The following ROR1 variants were observed in gnomAD, a reference collection of about 807,000 sequenced individuals.
The protein encoded by ROR1 is ROR family WNT receptor 1.
A neutral mutation model predicts 78.8 loss-of-function variants in ROR1; 19 were observed. The observed-to-expected ratio is 0.24, with a 90% CI of 0.17 to 0.35. The LOEUF is 0.35. Among genes scored for constraint, ROR1 ranks in the 10% least tolerant of loss-of-function variants. The probability of loss-of-function intolerance (pLI) is 1.00; values close to 1 mark genes in which losing one functional copy is unlikely to be tolerated. For synonymous variants in ROR1, 386 were observed against 433.6 expected, an observed-to-expected ratio of 0.89 and a Z score of 1.36; for missense variants, 917 against 1,177.8, an observed-to-expected ratio of 0.78 and a Z score of 3.24.
chr1:63,801,201 G>A (rs975364847), intron 1 of ROR1, among the ~76,000 whole-genome samples: 1 of 152,118 alleles, frequency 6.6e-6, no homozygotes, highest in Admixed American at 6.6e-5. Flanking sequence ...GAATTAAAAA[G>A]CATTTGCATG....
At chr1:64,082,150 G>C (rs1335351304) in intron 4 of ROR1, among the ~76,000 whole-genome samples, 2 of 151,998 alleles carry the variant, frequency 1.3e-5, no homozygotes, top group African/African-American at 2.4e-5. Context: ...GAAGAGATGA[G>C]AGCCAAGGCT....
chr1:64,092,200 C>A (rs1390951317), intron 4 of ROR1, among the ~76,000 whole-genome samples: 1 of 146,030 alleles, frequency 6.8e-6, no homozygotes, highest in Non-Finnish European at 1.5e-5. Flanking sequence ...TTTAGACAAG[C>A]AAAGAAAGAA....
intron 1 of ROR1, among the ~76,000 whole-genome samples, chr1:63,882,007 T>C (rs1645326172): frequency 6.6e-6 from 1 of 152,126 alleles, no homozygotes; most frequent in Non-Finnish European, 1.5e-5. Context: ...ATATGTTAGG[T>C]ACTATAGGAG....
intron 2 of ROR1, among the ~76,000 whole-genome samples, chr1:64,035,464 A>G (rs2100574793): frequency 6.6e-6 from 1 of 152,262 alleles, no homozygotes; most frequent in African/African-American, 2.4e-5. Context: ...ACGACCCATC[A>G]TGAGGGGCCT....
At chr1:64,058,564 C>T (rs772434328) in intron 4 of ROR1, among the ~76,000 whole-genome samples, 2 of 147,856 alleles carry the variant, frequency 1.4e-5, no homozygotes, top group African/African-American at 5.0e-5. Context: ...TTCTCAAGTG[C>T]TCTTTGTGTG....
At chr1:64,065,288 A>G (rs999086576) in intron 4 of ROR1, among the ~76,000 whole-genome samples, 1 of 152,254 alleles carries the variant, frequency 6.6e-6, no homozygotes, top group South Asian at 2.1e-4. Flanking sequence ...GGTGGACTCC[A>G]GAGCTCAGAC....
chr1:64,148,419 G>A (rs1649535003), intron 7 of ROR1, among the ~76,000 whole-genome samples: 2 of 152,150 alleles, frequency 1.3e-5, no homozygotes, highest in South Asian at 2.1e-4. Flanking sequence ...TTTGAAATGA[G>A]CCCTTTTTCT....
chr1:63,999,534 T>C lies in ROR1; in HGVS notation c.92-9771T>C, dbSNP rs554777304. Among the ~76,000 whole-genome samples, 42 of 151,904 alleles carry C rather than the reference T, an allele frequency of 2.8e-4. 2 individuals carry two copies. The highest frequency in any genetic ancestry group is 1.0e-3 in the African/African-American group (41 of 41,176). On this transcript the variant is annotated intron_variant, in intron 1 of 8. Coordinates refer to ENST00000371079, the MANE Select transcript of ROR1 (RefSeq NM_005012.4). ...GGCCCCTATTGCAGCATTTATCATA[T>C]TATACTTTAATTTTTTGTTTGCTTC...
intron 1 of ROR1, among the ~76,000 whole-genome samples, chr1:63,956,259 G>T: frequency 6.6e-6 from 1 of 152,282 alleles, no homozygotes; most frequent in Middle Eastern, 3.4e-3. Context: ...TATCGCTCTA[G>T]CTGGGTGGCT....
intron 1 of ROR1, among the ~76,000 whole-genome samples, chr1:63,819,951 G>C (rs576102349): frequency 3.9e-5 from 6 of 152,160 alleles, no homozygotes; most frequent in Non-Finnish European, 7.4e-5. Context: ...ATTTGGATGC[G>C]TAAAATGGTC....
At chr1:63,790,036 G>A (rs975835690) in intron 1 of ROR1, among the ~76,000 whole-genome samples, 3 of 152,016 alleles carry the variant, frequency 2.0e-5, no homozygotes, top group Admixed American at 2.0e-4. Flanking sequence ...CTTCTGTCTT[G>A]GCTCAGATGT....
intron 2 of ROR1, among the ~76,000 whole-genome samples, chr1:64,031,444 T>C (rs888134022): frequency 6.6e-6 from 1 of 152,230 alleles, no homozygotes; most frequent in Non-Finnish European, 1.5e-5. Context: ...GCAGCCAATG[T>C]TCTGATGTAG....
chr1:64,153,159 G>A (rs548707553), intron 7 of ROR1, among the ~76,000 whole-genome samples: 74 of 152,176 alleles, frequency 4.9e-4, no homozygotes, highest in African/African-American at 1.6e-3. Context: ...ATGGCCAAAA[G>A]CATATGAAAA....
At chr1:64,006,919 CT>C (rs914785020) in intron 1 of ROR1, among the ~76,000 whole-genome samples, 7 of 152,114 alleles carry the variant, frequency 4.6e-5, no homozygotes, top group African/African-American at 1.7e-4. Flanking sequence ...CTTGTTCAAG[CT>C]TAGTCAGTGA....
chr1:64,039,817 C>T (rs559145124), intron 2 of ROR1, among the ~76,000 whole-genome samples: 22 of 152,162 alleles, frequency 1.4e-4, no homozygotes, highest in Non-Finnish European at 2.5e-4. Context: ...AAGTTCATTA[C>T]GTGGACCCAC....
At chr1:64,107,007 G>C (rs1647845991) in intron 4 of ROR1, 1 of 152,542 alleles carries the variant, frequency 6.6e-6, no homozygotes, top group Non-Finnish European at 1.5e-5. Flanking sequence ...AGTTTCACAA[G>C]TCGTGTTACC....
intron 4 of ROR1, among the ~76,000 whole-genome samples, chr1:64,062,556 C>T (rs558814964): frequency 6.6e-6 from 1 of 152,232 alleles, no homozygotes; most frequent in Admixed American, 6.5e-5. Context: ...CGTAATCTGC[C>T]CACCTCGACC....
chr1:63,782,457 C>G (rs1239274407), intron 1 of ROR1, among the ~76,000 whole-genome samples: 1 of 151,898 alleles, frequency 6.6e-6, no homozygotes, highest in African/African-American at 2.4e-5. Context: ...GAGACTCTCC[C>G]TTAATCACTG....
At chr1:64,099,283 A>G (rs1487075113) in intron 4 of ROR1, among the ~76,000 whole-genome samples, 2 of 152,186 alleles carry the variant, frequency 1.3e-5, no homozygotes, top group African/African-American at 2.4e-5. Context: ...CCAAAGCCCC[A>G]CAGATTGATA....
Sources: allele counts gnomAD v4.1 joint callset (sites outside exome capture counted in the v4.1 genomes callset), GRCh38; gene constraint gnomAD v4.1.1; transcripts MANE v1.5; gene names NCBI Gene and HGNC (gene_info 2026-07-23, HGNC 2026-07-21).